FSHR: variants seen among roughly 807,000 people sequenced by gnomAD.
The protein encoded by FSHR is follicle stimulating hormone receptor.
FSHR carries 46 observed loss-of-function variants against 52.1 expected under a neutral mutation model. The ratio of observed to expected loss-of-function variants is 0.88; its 90% CI spans 0.70 to 1.13. The LOEUF is 1.13. Among genes scored for constraint, FSHR ranks in the 50% most tolerant of loss-of-function variants. The probability of loss-of-function intolerance (pLI) is 0.00; values close to 1 mark genes in which losing one functional copy is unlikely to be tolerated. For synonymous variants in FSHR, 399 were observed against 309.6 expected (o/e 1.29, Z -3.03); for missense variants, 964 against 834.6 (o/e 1.16, Z -1.91).
chr2:49,013,525 TAA>T (rs1339242094), intron 4 of FSHR, among the ~76,000 whole-genome samples: 1 of 142,556 alleles, frequency 7.0e-6, no homozygotes, highest in Admixed American at 7.1e-5. Flanking sequence ...TAAATATATA[TAA>T]AAATATATAT....
intron 1 of FSHR, among the ~76,000 whole-genome samples, chr2:49,072,163 T>C (rs1669761162): frequency 6.6e-6 from 1 of 152,128 alleles, no homozygotes; most frequent in African/African-American, 2.4e-5. Context: ...ATAAATATAA[T>C]TAACTCTTCT....
At chr2:49,021,886 TAGAGAGAG>T (rs58926557) in intron 2 of FSHR, among the ~76,000 whole-genome samples, 102 of 25,098 alleles carry the variant, frequency 4.1e-3, no homozygotes, top group African/African-American at 0.014. Flanking sequence ...TATATATATA[TAGAGAGAG>T]AGAGAGAGAG....
chr2:49,002,538 C>T (rs990600656), intron 4 of FSHR, among the ~76,000 whole-genome samples: 2 of 152,032 alleles, frequency 1.3e-5, no homozygotes, highest in African/African-American at 2.4e-5. Flanking sequence ...GCAAACATGC[C>T]TTCTTCACAT....
At chr2:49,116,690 A>G (rs762488596) in intron 1 of FSHR, among the ~76,000 whole-genome samples, 3 of 152,138 alleles carry the variant, frequency 2.0e-5, no homozygotes, top group Non-Finnish European at 1.5e-5. Flanking sequence ...GTTTGCTACC[A>G]TTATTCTTTA....
chr2:49,128,890 T>A (rs1403476189), intron 1 of FSHR, among the ~76,000 whole-genome samples: 1 of 152,070 alleles, frequency 6.6e-6, no homozygotes, highest in African/African-American at 2.4e-5. Context: ...TAACATGTAA[T>A]GGTTCAATTT....
chr2:49,021,493 G>A (rs2104224325), intron 2 of FSHR, among the ~76,000 whole-genome samples: 1 of 152,152 alleles, frequency 6.6e-6, no homozygotes, highest in South Asian at 2.1e-4. Flanking sequence ...TGCTGGCCTA[G>A]GATTTAGCGG....
intron 8 of FSHR, among the ~76,000 whole-genome samples, chr2:48,980,367 C>T (rs1170901842): frequency 2.0e-5 from 3 of 152,200 alleles, no homozygotes; most frequent in African/African-American, 7.2e-5. Context: ...AACAATGGGC[C>T]TATAACTTGA....
chr2:49,034,320 C>G (rs1481197177), intron 2 of FSHR, among the ~76,000 whole-genome samples: 7 of 152,158 alleles, frequency 4.6e-5, no homozygotes, highest in African/African-American at 1.7e-4. Flanking sequence ...GCCTGACCCC[C>G]CTTCCGAGGT....
At chr2:49,020,652 T>C (rs1198967099) in intron 2 of FSHR, among the ~76,000 whole-genome samples, 1 of 152,122 alleles carries the variant, frequency 6.6e-6, no homozygotes, top group Non-Finnish European at 1.5e-5. Context: ...TGTGTTCCAA[T>C]AAAACTTTAT....
chr2:49,059,452 T>C (rs897104454), intron 2 of FSHR, among the ~76,000 whole-genome samples: 1 of 150,940 alleles, frequency 6.6e-6, no homozygotes, highest in Admixed American at 6.6e-5. Flanking sequence ...TGGAACAGAA[T>C]AGAGAATCCG....
intron 1 of FSHR, among the ~76,000 whole-genome samples, chr2:49,110,411 T>C (rs1430595720): frequency 3.9e-5 from 6 of 152,318 alleles, no homozygotes; most frequent in Admixed American, 1.3e-4. Context: ...AGTAAGACTT[T>C]ATGTGAAGAA....
intron 2 of FSHR, among the ~76,000 whole-genome samples, chr2:49,063,134 A>G (rs979029013): frequency 6.6e-6 from 1 of 152,150 alleles, no homozygotes; most frequent in Non-Finnish European, 1.5e-5. Flanking sequence ...AGGTGGTACC[A>G]AGAGCTTTCA....
intron 2 of FSHR, among the ~76,000 whole-genome samples, chr2:49,057,584 G>T (rs1041537296): frequency 3.3e-5 from 5 of 152,240 alleles, no homozygotes; most frequent in Admixed American, 2.6e-4. Context: ...CTTCACTGCT[G>T]AATTCTACAG....
At chr2:49,089,484 G>C (rs976541337) in intron 1 of FSHR, among the ~76,000 whole-genome samples, 1 of 151,950 alleles carries the variant, frequency 6.6e-6, no homozygotes, top group South Asian at 2.1e-4. Flanking sequence ...ATACTTACTT[G>C]GTAAAAATAA....
At chr2:48,991,046 G>C (rs1324376154) in intron 4 of FSHR, among the ~76,000 whole-genome samples, 1 of 152,156 alleles carries the variant, frequency 6.6e-6, no homozygotes, top group Non-Finnish European at 1.5e-5. Flanking sequence ...TAGAGCATGA[G>C]ATTCCATGCC....
intron 1 of FSHR, among the ~76,000 whole-genome samples, chr2:49,147,069 A>G (rs1195746253): frequency 6.6e-6 from 1 of 152,068 alleles, no homozygotes; most frequent in Non-Finnish European, 1.5e-5. Flanking sequence ...TTATTCAAAT[A>G]TTATTTTACA....
At chr2:49,098,998 T>A (rs760732754) in intron 1 of FSHR, among the ~76,000 whole-genome samples, 18 of 151,372 alleles carry the variant, frequency 1.2e-4, no homozygotes, top group Non-Finnish European at 2.2e-4. Flanking sequence ...ACTTGGCGAT[T>A]CATTTGAATA....
intron 1 of FSHR, among the ~76,000 whole-genome samples, chr2:49,072,556 G>C (rs1669776709): frequency 6.6e-6 from 1 of 152,084 alleles, no homozygotes; most frequent in Non-Finnish European, 1.5e-5. Context: ...AGAACTTAAA[G>C]TGAAACTTGA....
At chr2:49,046,381 A>G (rs1053006320) in intron 2 of FSHR, among the ~76,000 whole-genome samples, 3 of 152,192 alleles carry the variant, frequency 2.0e-5, no homozygotes, top group African/African-American at 7.2e-5. Context: ...TAATGCATGA[A>G]CTTTGGAGTA....
Sources: gnomAD v4.1 joint callset for allele counts (sites outside exome capture counted in the v4.1 genomes callset) on GRCh38, gnomAD v4.1.1 for gene constraint, MANE v1.5 for transcripts, NCBI Gene and HGNC (gene_info 2026-07-23, HGNC 2026-07-21) for gene names.